SIPA1L3: variants seen among roughly 807,000 people sequenced by gnomAD.
SIPA1L3 encodes signal induced proliferation associated 1 like 3.
A neutral mutation model predicts 150.1 loss-of-function variants in SIPA1L3; 59 were observed. The observed-to-expected ratio is 0.39, with a 90% CI of 0.32 to 0.49. The LOEUF (loss-of-function observed/expected upper bound fraction) is 0.49. SIPA1L3 is among the 20% of genes least tolerant of loss of function. The pLI is 0.86. For synonymous variants in SIPA1L3, 1,070 were observed against 1,077.6 expected (o/e 0.99, Z 0.14); for missense variants, 2,211 against 2,489.5 (o/e 0.89, Z 2.38).
chr19:37,952,367 T>C lies in SIPA1L3; in HGVS notation c.-379+45009T>C, dbSNP rs139313848. ...AGTAATTTTAGTGGACCCTAGAATC[T>C]ATATTTAAATTTAAAAAATTCTCTG... On this transcript the variant is annotated intron_variant, in intron 1 of 21. Transcript: ENST00000222345. Among the ~76,000 whole-genome samples the C allele has an allele frequency of 2.8e-4, 41 of 147,744 alleles. No individual in the cohort carries two copies. The East Asian group carries it at 5.7e-3, about 21-fold the overall frequency.
chr19:38,100,035 T>G lies in SIPA1L3; in HGVS notation c.1739T>G (p.Leu580Arg), dbSNP rs1212062326. The change falls in exon 5 of 22, where the codon CTG (leucine) becomes CGG (arginine). Residue 580 changes from leucine (L) to arginine (R), a missense_variant. Transcript: ENST00000222345. ...ACCAAGCATGGGACCGGGCGGGGCC[T>G]GCCCTTGAAGGATGCCCTGGAGTAT... The part of the protein sequence containing the change: ...TATKHGTGRG[L>R]PLKDALEYVI... The G allele has an allele frequency of 1.9e-6, 3 of 1,612,130 alleles. No homozygotes were observed. The highest frequency in any genetic ancestry group is 2.5e-6 in the Non-Finnish European group (3 of 1,179,288).
intron 1 of SIPA1L3, among the ~76,000 whole-genome samples, chr19:37,946,141 G>A (rs182845343): frequency 1.1e-4 from 16 of 150,864 alleles, no homozygotes; most frequent in African/African-American, 3.7e-4. Context: ...GGGGACAACA[G>A]CGAGACTTTG....
At chr19:37,921,355 T>C (rs956906786) in intron 1 of SIPA1L3, among the ~76,000 whole-genome samples, 1 of 152,166 alleles carries the variant, frequency 6.6e-6, no homozygotes, top group African/African-American at 2.4e-5. Context: ...GTTTGGGGGC[T>C]TCTCCTGATG....
At chr19:38,048,605 C>T (rs1406859720) in intron 2 of SIPA1L3, among the ~76,000 whole-genome samples, 1 of 152,172 alleles carries the variant, frequency 6.6e-6, no homozygotes, top group Non-Finnish European at 1.5e-5. Flanking sequence ...GAAGTGGAAA[C>T]TGAGTAGACA....
intron 9 of SIPA1L3, among the ~76,000 whole-genome samples, chr19:38,128,046 CTTTTTTTTTTT>C (rs34053188): frequency 0.029 from 1,915 of 66,646 alleles, 61 homozygotes; most frequent in African/African-American, 0.1. Flanking sequence ...CCTTGGGCCT[CTTTTTTTTTTT>C]TTTTTTTTTT....
At position 38,081,678 on chromosome 19, in the gene SIPA1L3, G is replaced by C; in HGVS notation, c.113G>C (p.Gly38Ala). Residue 38 changes from glycine (G) to alanine (A), a missense_variant, in exon 3 of 22, where the codon GGA (glycine) becomes GCA (alanine). Coordinates refer to ENST00000222345, the MANE Select transcript of SIPA1L3 (RefSeq NM_015073.3). The stretch of plus-strand genomic sequence containing the variant: ...CACACAGGGGACTACGCTCCCTTGG[G>C]ATTCTGGGCCCAGAATGGCAGCATG... ...GPHTGDYAPL[G>A]FWAQNGSMSQ... 6.2e-7 allele frequency: 1 copy of C among 1,612,270 alleles called. No individual in the cohort carries two copies. Among genetic ancestry groups the C allele is most frequent in the Non-Finnish European group, 8.5e-7 (1 of 1,179,820 alleles).
At chr19:38,181,085 T>A (rs865966089) in intron 15 of SIPA1L3, among the ~76,000 whole-genome samples, 5 of 152,198 alleles carry the variant, frequency 3.3e-5, no homozygotes, top group Admixed American at 6.5e-5. Context: ...CTTCACTCAC[T>A]GAGCTGGGAA....
In SIPA1L3 at chr19:38,152,942, G is replaced by C; in HGVS notation, c.3636G>C (p.Glu1212Asp). The C allele has an allele frequency of 6.2e-7, 1 of 1,613,330 alleles. No homozygotes were observed. The highest frequency in any genetic ancestry group is 8.5e-7 in the Non-Finnish European group (1 of 1,179,714). Residue 1212 changes from glutamate (E) to aspartate (D), a missense_variant, in exon 13 of 22, where the codon GAG (glutamate) becomes GAC (aspartate). Around this residue, in one of 5 missense-constraint regions of SIPA1L3, gnomAD observed 806 missense variants for 870.1 expected, o/e 0.93. Coordinates refer to ENST00000222345, the MANE Select transcript of SIPA1L3 (RefSeq NM_015073.3). ...DSSSGGLTSQ[E>D]STMERQKPEP... ...CTTCCGGCGGCCTGACCAGCCAGGA[G>C]AGCACCATGGAACGCCAGAAGCCAG... is the stretch of plus-strand genomic sequence containing the variant.
intron 4 of SIPA1L3, 38 bp from the exon 5 acceptor site, chr19:38,099,924 C>G: frequency 2.6e-6 from 4 of 1,524,812 alleles, no homozygotes; most frequent in Non-Finnish European, 3.5e-6. Context: ...TTTTAGGTCT[C>G]GAGAGCCCCC....
chr19:38,162,599 A>T (rs1488620009), intron 14 of SIPA1L3, among the ~76,000 whole-genome samples: 1 of 152,204 alleles, frequency 6.6e-6, no homozygotes, highest in African/African-American at 2.4e-5. Flanking sequence ...CAGTTTCCTC[A>T]TTGTTCCATC....
At chr19:38,040,985 G>A (rs1029691848) in intron 2 of SIPA1L3, among the ~76,000 whole-genome samples, 4 of 151,900 alleles carry the variant, frequency 2.6e-5, no homozygotes, top group African/African-American at 4.8e-5. Context: ...GGATGGTCTC[G>A]ATCTCCTGAC....
chr19:38,061,346 G>A (rs1296553563), intron 2 of SIPA1L3, among the ~76,000 whole-genome samples: 1 of 152,092 alleles, frequency 6.6e-6, no homozygotes, highest in Non-Finnish European at 1.5e-5. Flanking sequence ...TTACAGGTGT[G>A]AGCCACCGTG....
At chr19:38,095,303 AG>A (rs1970353299) in intron 4 of SIPA1L3, among the ~76,000 whole-genome samples, 2 of 152,160 alleles carry the variant, frequency 1.3e-5, no homozygotes, top group South Asian at 4.1e-4. Flanking sequence ...ATGAGGAAAT[AG>A]GGAAATTAAG....
intron 16 of SIPA1L3, among the ~76,000 whole-genome samples, chr19:38,188,405 G>C (rs1341361710): frequency 6.6e-6 from 1 of 151,448 alleles, no homozygotes; most frequent in Non-Finnish European, 1.5e-5. Flanking sequence ...GTCTGGTCTC[G>C]AACTCCTGAC....
intron 13 of SIPA1L3, among the ~76,000 whole-genome samples, chr19:38,161,658 T>C (rs1405026022): frequency 2.6e-5 from 4 of 151,750 alleles, no homozygotes; most frequent in South Asian, 2.1e-4. Context: ...CCCTGGGCAG[T>C]GGAGGGTGCA....
rs34053188 is a variant in SIPA1L3 at position 38,128,046 on chromosome 19, C to CTT, written c.2869-2425_2869-2424dup. Among the ~76,000 whole-genome samples, 194 of 66,582 alleles carry CTT rather than the reference C, an allele frequency of 2.9e-3. 11 individuals are homozygous for CTT. The highest frequency in any genetic ancestry group is 4.0e-3 in the Non-Finnish European group (145 of 36,066). 43.7% of individuals were successfully genotyped at this position (66,582 alleles called of 152,430 possible). ...AGAGGTGAACAAGTTCCTTGGGCCT[C>CTT]TTTTTTTTTTTTTTTTTTTTTTTTT... is the stretch of plus-strand genomic sequence containing the variant. On this transcript the variant is annotated intron_variant, in intron 9 of 21. Coordinates refer to ENST00000222345, the MANE Select transcript of SIPA1L3 (RefSeq NM_015073.3).
intron 1 of SIPA1L3, among the ~76,000 whole-genome samples, chr19:38,012,470 T>TC (rs1968127141): frequency 1.3e-5 from 2 of 151,946 alleles, no homozygotes; most frequent in African/African-American, 4.8e-5. Context: ...ACAGGGAACC[T>TC]CCCCTGCTCC....
At chr19:38,182,334 A>G (rs1972573297) in intron 15 of SIPA1L3, among the ~76,000 whole-genome samples, 185 bp from the exon 16 acceptor site, 1 of 152,124 alleles carries the variant, frequency 6.6e-6, no homozygotes, top group Non-Finnish European at 1.5e-5. Flanking sequence ...GGCGCTGTGC[A>G]GGCAGTCTTC....
At chr19:38,177,189 A>G (rs11881136) in intron 15 of SIPA1L3, among the ~76,000 whole-genome samples, 9,046 of 151,462 alleles carry the variant, frequency 0.06, 904 homozygotes, top group African/African-American at 0.2. Context: ...GTGAAACCCC[A>G]TCTCTACCAA....
Sources: gnomAD v4.1 joint callset for allele counts (sites outside exome capture counted in the v4.1 genomes callset) on GRCh38, gnomAD v4.1.1 for gene constraint, gnomAD v4.1.1 regional missense constraint, MANE v1.5 for transcripts, NCBI Gene and HGNC (gene_info 2026-07-23, HGNC 2026-07-21) for gene names.